The following KMT2D variants were observed in gnomAD, a reference collection of about 807,000 sequenced individuals.
KMT2D encodes the protein histone-lysine N-methyltransferase 2D.
Under a neutral mutation model 512.7 loss-of-function variants are expected in KMT2D, and 55 were observed. The observed-to-expected ratio is 0.11, with a 90% CI of 0.09 to 0.13. KMT2D has a LOEUF of 0.13. KMT2D is among the 10% of genes least tolerant of loss of function. The pLI, the probability that KMT2D is intolerant of heterozygous loss-of-function variation, is 1.00. For synonymous variants in KMT2D, 2,995 were observed against 2,904.0 expected, an observed-to-expected ratio of 1.03 and a Z score of -1.01; for missense variants, 6,061 against 7,127.9, an observed-to-expected ratio of 0.85 and a Z score of 5.39.
Position 49,022,025 on chromosome 12 carries a change from C to A in KMT2D, c.16521+18G>T, listed in dbSNP as rs751354516. The stretch of plus-strand genomic sequence containing the variant: ...AGGAGGAGCTGCTTTGTCACTCAGT[C>A]AGGATACTTCCTCTCACCTCCTCTC... On this transcript the variant is annotated intron_variant, in intron 54 of 54. Coordinates refer to ENST00000301067, the MANE Select transcript of KMT2D (RefSeq NM_003482.4). This position sits in a 1 kb window ranked among gnomAD's most constrained non-coding sequence, Gnocchi z 8.6. 1.2e-6 allele frequency: 2 copies of A among 1,605,198 alleles called. No homozygotes were observed. Among genetic ancestry groups the A allele is most frequent in the South Asian group, 2.2e-5 (2 of 90,810 alleles).
rs2120621333 is a variant in KMT2D at position 49,048,073 on chromosome 12, G to A, written c.4132-4C>T. On this transcript the variant is annotated splice_region_variant and splice_polypyrimidine_tract_variant and intron_variant, in intron 14 of 54. Transcript: ENST00000301067. ...TGCCACATACCACACACATGTCCTGGGGAAACACAGAGAAACCCAAATGTC... is the reference window on the plus strand; with the variant it reads ...TGCCACATACCACACACATGTCCTGAGGAAACACAGAGAAACCCAAATGTC... 1.3e-6 allele frequency: 2 copies of A among 1,587,892 alleles called. No individual in the cohort carries two copies. The highest frequency in any genetic ancestry group is 2.2e-5 in the South Asian group (2 of 90,336).
intron 46 of KMT2D, 41 bp downstream of exon 46, chr12:49,028,786 TG>T: frequency 6.2e-7 from 1 of 1,608,198 alleles, no homozygotes; most frequent in Non-Finnish European, 8.5e-7. Context: ...GACTGCCCTC[TG>T]ATCAGGTTCC....
In KMT2D at chr12:49,026,861, A is replaced by G. The variant is rs777573643; in HGVS notation, c.15105T>C (p.Cys5035=). 6.2e-7 allele frequency: 1 copy of G among 1,613,914 alleles called. No homozygotes were observed. Among genetic ancestry groups the G allele is most frequent in the Admixed American group, 1.7e-5 (1 of 60,022 alleles). ...VPRDMRRCCF[C]HEEGDGATDG... ...CAGTGGCCCCGTCACCCTCCTCATGACAGAAACAGCAGCGACGCATGTCTC... is the reference window on the plus strand; with the variant it reads ...CAGTGGCCCCGTCACCCTCCTCATGGCAGAAACAGCAGCGACGCATGTCTC... Residue 5035 remains cysteine, a synonymous_variant, in exon 49 of 55, where the codon TGT becomes TGC. Coordinates refer to ENST00000301067, the MANE Select transcript of KMT2D (RefSeq NM_003482.4). This position sits in a 1 kb window ranked among gnomAD's most constrained non-coding sequence, Gnocchi z 9.6.
At chr12:49,055,049 T>C in intron 2 of KMT2D, 23 bp from the exon 3 acceptor site, 1 of 1,612,548 alleles carries the variant, frequency 6.2e-7, no homozygotes, top group Non-Finnish European at 8.5e-7. Context: ...ACAAACAGCA[T>C]GTGTCAGCCA....
At chr12:49,036,996 T>C (rs1013448926) in intron 35 of KMT2D, 129 bp downstream of exon 35, 28 of 1,222,118 alleles carry the variant, frequency 2.3e-5, no homozygotes, top group Non-Finnish European at 2.7e-5. Flanking sequence ...ACCACTAGTA[T>C]GATATTTAGC....
rs1307252507 is a variant in KMT2D, at chr12:49,031,306, G to C, written c.13399C>G (p.Leu4467Val). 2.5e-6 allele frequency: 4 copies of C among 1,613,470 alleles called. No individual in the cohort carries two copies. ...EAGHLLLQKL[L>V]RAKNVQLSTG... The stretch of plus-strand genomic sequence containing the variant: ...CTGAGTTGCACATTCTTTGCCCGGA[G>C]TAGCTTCTGCAAGAGCAGATGCCCA... Residue 4467 changes from leucine (L) to valine (V), a missense_variant, in exon 40 of 55, where the codon CTC becomes GTC. Around this residue, in one of 16 missense-constraint regions of KMT2D, gnomAD observed 1,600 missense variants for 1,754.9 expected, o/e 0.91. Coordinates refer to ENST00000301067, the MANE Select transcript of KMT2D (RefSeq NM_003482.4).
chr12:49,048,802 G>A (rs1290075123), intron 13 of KMT2D, 33 bp from the exon 14 acceptor site: 1 of 1,403,870 alleles, frequency 7.1e-7, no homozygotes, highest in Admixed American at 1.7e-5. Flanking sequence ...AAGTGAGGCA[G>A]ATAAATCTGC....
rs112921115 is a variant in KMT2D, at chr12:49,049,851, G to A, written c.3737C>T (p.Thr1246Met). ...CTCATCTCGGGCTGGACTAACATCCGTAGAGACCCCCAACTCCATGGACAG... is the reference window on the plus strand; with the variant it reads ...CTCATCTCGGGCTGGACTAACATCCATAGAGACCCCCAACTCCATGGACAG... The part of the protein sequence containing the change: ...GSLSMELGVS[T>M]DVSPARDEGS... Residue 1246 changes from threonine (T) to methionine (M), a missense_variant, in exon 12 of 55, where the codon ACG becomes ATG. Coordinates refer to ENST00000301067, the MANE Select transcript of KMT2D (RefSeq NM_003482.4). 6.5e-4 allele frequency: 1,054 copies of A among 1,613,818 alleles called. 12 individuals carry two copies. Among genetic ancestry groups the A allele is most frequent in the Admixed American group, 2.3e-4 (14 of 60,018 alleles).
Position 49,033,744 on chromosome 12 carries a change from C to A in KMT2D, c.10961G>T (p.Gly3654Val). ...PQGPPGGQAGGLRLTPGGMAL... is the reference protein window; with the variant it reads ...PQGPPGGQAGVLRLTPGGMAL... ...CATACCCCCAGGGGTCAGGCGAAGACCTCCGGCTTGCCCACCCGGAGGCCC... is the reference window on the plus strand; with the variant it reads ...CATACCCCCAGGGGTCAGGCGAAGAACTCCGGCTTGCCCACCCGGAGGCCC... Residue 3654 changes from glycine to valine, a missense_variant, in exon 40 of 55, where the codon GGT becomes GTT. Coordinates refer to ENST00000301067, the MANE Select transcript of KMT2D (RefSeq NM_003482.4). The A allele has an allele frequency of 6.2e-7, 1 of 1,612,956 alleles. No individual in the cohort carries two copies. Among genetic ancestry groups the A allele is most frequent in the Non-Finnish European group, 8.5e-7 (1 of 1,179,624 alleles).
chr12:49,058,422 G>T (rs981901627), intron 1 of KMT2D, among the ~76,000 whole-genome samples: 1 of 152,128 alleles, frequency 6.6e-6, no homozygotes, highest in Non-Finnish European at 1.5e-5. Context: ...CAGACTCAAA[G>T]AAATCTAGTA....
At position 49,050,145 on chromosome 12, in the gene KMT2D, A is replaced by G. The variant is rs1592151859; in HGVS notation, c.3443T>C (p.Leu1148Pro). The G allele has an allele frequency of 1.2e-6, 2 of 1,613,520 alleles. No individual in the cohort carries two copies. The highest frequency in any genetic ancestry group is 1.1e-5 in the South Asian group (1 of 91,080). The change falls in exon 12 of 55, where the codon CTT becomes CCT. Residue 1148 changes from leucine (L) to proline (P), a missense_variant. Coordinates refer to ENST00000301067, the MANE Select transcript of KMT2D (RefSeq NM_003482.4). The part of the protein sequence containing the change: ...GQTPGSLASE[L>P]KGSPVLLDPE... ...GTCCAGGAGCACAGGGGAGCCTTTA[A>G]GTTCACTAGCCAAACTGCCAGGGGT...
rs1339827676 is a variant in KMT2D, at chr12:49,037,929, G to C, written c.9427C>G (p.Pro3143Ala). ...CCAAGGGAATTGGCAGCAGGTGCGG[G>C]CTCTACCTTGGGGGTAGCAATGGTG... ...QFTIATPKVE[P>A]APAANSLGLG... The change falls in exon 35 of 55, where the codon CCC (proline) becomes GCC (alanine). Residue 3143 changes from proline (P) to alanine (A), a missense_variant. Coordinates refer to ENST00000301067, the MANE Select transcript of KMT2D (RefSeq NM_003482.4). 6.2e-7 allele frequency: 1 copy of C among 1,604,636 alleles called. No individual in the cohort carries two copies. Among genetic ancestry groups the C allele is most frequent in the Non-Finnish European group, 8.5e-7 (1 of 1,175,846 alleles).
chr12:49,058,057 C>T (rs961034384), intron 1 of KMT2D, among the ~76,000 whole-genome samples: 2 of 152,180 alleles, frequency 1.3e-5, no homozygotes, highest in African/African-American at 4.8e-5. Context: ...CTGAAGCAGG[C>T]CCTTGAGTGA....
In KMT2D at chr12:49,042,754, C is replaced by T. The variant is rs755020467; in HGVS notation, c.5769G>A (p.Arg1923=). ...CACCTGTATTACCTTGAAGAAAGGGCCTCTGCAGTGGCGTACGGCTGCCTT... is the reference window on the plus strand; with the variant it reads ...CACCTGTATTACCTTGAAGAAAGGGTCTCTGCAGTGGCGTACGGCTGCCTT... ...GLEGSRTPLQ[R]PFLQGGLPLG... Residue 1923 remains arginine, a synonymous_variant, in exon 27 of 55, where the codon AGG becomes AGA. Coordinates refer to ENST00000301067, the MANE Select transcript of KMT2D (RefSeq NM_003482.4). The surrounding 1 kb of genome is among the most constrained non-coding windows in gnomAD (Gnocchi z 4.4). 2.5e-6 allele frequency: 4 copies of T among 1,613,486 alleles called. No individual in the cohort carries two copies. The highest frequency in any genetic ancestry group is 3.4e-6 in the Non-Finnish European group (4 of 1,179,586).
Position 49,037,494 on chromosome 12 carries a change from C to T in KMT2D, c.9862G>A (p.Ala3288Thr), listed in dbSNP as rs1330173721. The T allele has an allele frequency of 6.4e-7, 1 of 1,558,808 alleles. No individual in the cohort carries two copies. The highest frequency in any genetic ancestry group is 2.4e-5 in the East Asian group (1 of 41,372). ...QQQQQHSLLS[A>T]PGPAQAMSLP... is the part of the protein sequence containing the mutation. ...GACATGGCCTGGGCAGGGCCTGGTG[C>T]AGACAGTAGGGAATGCTGCTGCTGC... The change falls in exon 35 of 55, where the codon GCA becomes ACA. Residue 3288 changes from alanine to threonine, a missense_variant. Physicochemically the swap from Ala to Thr is moderately conservative, Grantham distance 58 (BLOSUM62 0). Transcript: ENST00000301067.
At position 49,038,607 on chromosome 12, in the gene KMT2D, C is replaced by T. The variant is rs2120500879; in HGVS notation, c.8749G>A (p.Ala2917Thr). ...YPVSEDPHRL[A>T]PEGLRGLAVS... ...GCCAGGCCCCGAAGCCCTTCAGGAG[C>T]CAGTCGGTGGGGGTCCTCACTTACA... The change falls in exon 35 of 55, where the codon GCT becomes ACT. Residue 2917 changes from alanine to threonine, a missense_variant. Coordinates refer to ENST00000301067, the MANE Select transcript of KMT2D (RefSeq NM_003482.4). The surrounding 1 kb of genome is among the most constrained non-coding windows in gnomAD (Gnocchi z 5.7). 6.2e-7 allele frequency: 1 copy of T among 1,612,902 alleles called. No individual in the cohort carries two copies. The highest frequency in any genetic ancestry group is 8.5e-7 in the Non-Finnish European group (1 of 1,179,562).
intron 48 of KMT2D, 96 bp downstream of exon 48, chr12:49,027,707 G>T: frequency 6.9e-7 from 1 of 1,444,400 alleles, no homozygotes; most frequent in Non-Finnish European, 9.5e-7. Flanking sequence ...CACTCGCCTT[G>T]CCTCCCAAAG....
Position 49,040,702 on chromosome 12 carries a change from C to G in KMT2D, c.7068G>C (p.Gln2356His), listed in dbSNP as rs2120532880. 3.1e-6 allele frequency: 5 copies of G among 1,613,754 alleles called. No individual in the cohort carries two copies. Among genetic ancestry groups the G allele is most frequent in the Non-Finnish European group, 4.2e-6 (5 of 1,179,786 alleles). The part of the protein sequence containing the change: ...GLRPQEPPPA[Q>H]ALAPSPPSHP... ...GACTTGGAGGAGAAGGTGCCAAAGC[C>G]TGGGCAGGGGGTGGCTCCTGGGGCC... is the stretch of plus-strand genomic sequence containing the variant. The change falls in exon 32 of 55, where the codon CAG (glutamine) becomes CAC (histidine). Residue 2356 changes from glutamine to histidine, a missense_variant. By Grantham distance (24) the Gln-to-His change is conservative (BLOSUM62 0). This residue lies in a region of KMT2D where 710 missense variants were observed against 647.3 expected (regional missense o/e 1.10). Transcript: ENST00000301067.
rs776565863 is a variant in KMT2D, at chr12:49,039,278, G to T, written c.8310C>A (p.Asp2770Glu). The T allele has an allele frequency of 3.1e-6, 5 of 1,613,564 alleles. No individual in the cohort carries two copies. Among genetic ancestry groups the T allele is most frequent in the Non-Finnish European group, 4.2e-6 (5 of 1,179,880 alleles). ...CTGGTGGAGGTGGCCGGGAGAGTCGGTCATCGCTAGGGAAGGACCCTGGCC... is the reference window on the plus strand; with the variant it reads ...CTGGTGGAGGTGGCCGGGAGAGTCGTTCATCGCTAGGGAAGGACCCTGGCC... The part of the protein sequence containing the change: ...ILGPGSFPSD[D>E]RLSRPPPPAT... The change falls in exon 34 of 55, where the codon GAC becomes GAA. Residue 2770 changes from aspartate to glutamate, a missense_variant. Coordinates refer to ENST00000301067, the MANE Select transcript of KMT2D (RefSeq NM_003482.4). The surrounding 1 kb of genome is among the most constrained non-coding windows in gnomAD (Gnocchi z 5.0).
Sources: allele counts gnomAD v4.1 joint callset (sites outside exome capture counted in the v4.1 genomes callset), GRCh38; gene constraint gnomAD v4.1.1; regional missense constraint gnomAD v4.1.1; non-coding constraint Gnocchi (gnomAD v3.1); transcripts MANE v1.5; gene names NCBI Gene and HGNC (gene_info 2026-07-23, HGNC 2026-07-21).